Variants in CXADR observed in about 807,000 individuals in gnomAD.
CXADR encodes the protein coxsackievirus and adenovirus receptor.
Under a neutral mutation model 40.3 loss-of-function variants are expected in CXADR, and 20 were observed. The ratio of observed to expected loss-of-function variants is 0.50; its 90% CI spans 0.35 to 0.72. The LOEUF is 0.72. Among genes scored for constraint, CXADR ranks in the 30% least tolerant of loss-of-function variants. The pLI is 0.01. For missense variants in CXADR, 332 were observed against 449.1 expected (o/e 0.74, Z 2.36); for synonymous variants, 150 against 161.3 (o/e 0.93, Z 0.53).
the CXADR span, among the ~76,000 whole-genome samples, chr21:17,621,095 A>C: frequency 6.6e-6 from 1 of 152,222 alleles, no homozygotes; most frequent in East Asian, 1.9e-4. Context: ...CTTAAAGTCA[A>C]CTGAGTATAA....
At chr21:17,517,878 A>C (rs2060480754) in intron 1 of CXADR, among the ~76,000 whole-genome samples, 1 of 152,228 alleles carries the variant, frequency 6.6e-6, no homozygotes. Flanking sequence ...CTAGTAAAAG[A>C]AGTTCTTCTG....
At chr21:17,617,746 C>T in the CXADR span, among the ~76,000 whole-genome samples, 26,427 of 151,994 alleles carry the variant, frequency 0.17, 2,622 homozygotes, top group East Asian at 0.22. Context: ...GGTCTTGCCT[C>T]GATGCTGGTG....
intron 1 of CXADR, among the ~76,000 whole-genome samples, chr21:17,534,019 T>TATATATAGCAATATATATATATATACAC (rs1356079376): frequency 1.2e-5 from 1 of 81,400 alleles, no homozygotes; most frequent in South Asian, 4.8e-4. Context: ...TATATATATA[T>TATATATAGCAATATATATATATATACAC]ATATATATAG....
the CXADR span, chr21:17,612,312 C>T: frequency 1.3e-5 from 2 of 152,262 alleles, no homozygotes; most frequent in Non-Finnish European, 2.9e-5. Context: ...GGAGGCGCGA[C>T]TCTCCAGCAA....
At chr21:17,516,961 CAG>C (rs1191541978) in intron 1 of CXADR, among the ~76,000 whole-genome samples, 1 of 151,108 alleles carries the variant, frequency 6.6e-6, no homozygotes, top group Non-Finnish European at 1.5e-5. Context: ...AGAAAAAAAA[CAG>C]AAAAATACCA....
rs770672919 is a variant in CXADR, at chr21:17,547,139, G to T, written c.156G>T (p.Pro52=). 1 of 1,614,154 alleles carries T rather than the reference G, an allele frequency of 6.2e-7. No individual in the cohort carries two copies. The highest frequency in any genetic ancestry group is 8.5e-7 in the Non-Finnish European group (1 of 1,180,034). ...KFTLSPEDQG[P]LDIEWLISPA... ...CGCTTAGTCCCGAAGACCAGGGACC[G>T]CTGGACATCGAGTGGCTGATATCAC... The change falls in exon 2 of 7, where the codon CCG becomes CCT. Residue 52 remains proline (P), a synonymous_variant. Coordinates refer to ENST00000284878, the MANE Select transcript of CXADR (RefSeq NM_001338.5).
At chr21:17,524,241 T>G (rs1414347403) in intron 1 of CXADR, among the ~76,000 whole-genome samples, 2 of 151,912 alleles carry the variant, frequency 1.3e-5, no homozygotes, top group East Asian at 3.9e-4. Flanking sequence ...TTCCCTCAAC[T>G]TATTGCCTCA....
At chr21:17,599,906 A>C in the CXADR span, among the ~76,000 whole-genome samples, 1 of 152,226 alleles carries the variant, frequency 6.6e-6, no homozygotes, top group African/African-American at 2.4e-5. Context: ...ATACTCACAA[A>C]AATGAGAACT....
At chr21:17,627,461 C>T in the CXADR span, among the ~76,000 whole-genome samples, 20 of 152,048 alleles carry the variant, frequency 1.3e-4, no homozygotes, top group African/African-American at 4.6e-4. Flanking sequence ...TGATGAAAGA[C>T]AGGCTGGAAA....
the CXADR span, chr21:17,613,102 C>G: frequency 2.0e-5 from 3 of 152,104 alleles, no homozygotes; most frequent in African/African-American, 7.2e-5. Context: ...TACCCTGAGC[C>G]TGGCGCAGAC....
chr21:17,541,289 A>G (rs1004300511), intron 1 of CXADR, among the ~76,000 whole-genome samples: 2 of 152,110 alleles, frequency 1.3e-5, no homozygotes, highest in Non-Finnish European at 2.9e-5. Context: ...GCGGTGGCTC[A>G]CGCCTGTAAT....
At chr21:17,538,487 A>G (rs2060788111) in intron 1 of CXADR, among the ~76,000 whole-genome samples, 1 of 152,134 alleles carries the variant, frequency 6.6e-6, no homozygotes, top group African/African-American at 2.4e-5. Flanking sequence ...AGATTGTCAG[A>G]CATGTCAGTG....
chr21:17,533,539 T>A (rs1026821783), intron 1 of CXADR, among the ~76,000 whole-genome samples: 4 of 152,210 alleles, frequency 2.6e-5, no homozygotes, highest in African/African-American at 4.8e-5. Flanking sequence ...CTTCAGTAGC[T>A]TAGATGTGTC....
chr21:17,564,517 A>T (rs1306711447), intron 6 of CXADR, among the ~76,000 whole-genome samples: 2 of 152,046 alleles, frequency 1.3e-5, no homozygotes, highest in African/African-American at 4.8e-5. Flanking sequence ...TAAAAATATT[A>T]AAACAAAATT....
rs898230367 is a variant in CXADR, at chr21:17,568,999, T to G, written c.*3307T>G. The stretch of plus-strand genomic sequence containing the variant: ...ACCTGATTTTTATTAAAAAGATACT[T>G]TTTCAAATTTAAGAGTTAATCTTGG... On this transcript the variant is annotated 3_prime_UTR_variant, in exon 7 of 7. Transcript: ENST00000284878. 4.1e-6 allele frequency: 4 copies of G among 984,208 alleles called. No homozygotes were observed. In the African/African-American group the frequency reaches 5.2e-5, roughly 13 times the overall value. 61.0% of individuals were successfully genotyped at this position (984,208 alleles called of 1,614,324 possible).
intron 7 of CXADR, among the ~76,000 whole-genome samples, chr21:17,586,416 A>T (rs1212573443): frequency 3.7e-5 from 5 of 134,992 alleles, no homozygotes; most frequent in African/African-American, 1.4e-4. Context: ...TATATATATA[A>T]TATATATTAT....
At chr21:17,555,496 C>A (rs960148862) in intron 3 of CXADR, among the ~76,000 whole-genome samples, 3 of 152,196 alleles carry the variant, frequency 2.0e-5, no homozygotes, top group Middle Eastern at 6.3e-3. Flanking sequence ...TTATAATTAT[C>A]AAAACCAGGA....
chr21:17,552,006 C>T (rs757280945), intron 3 of CXADR, 53 bp downstream of exon 3: 30 of 1,355,782 alleles, frequency 2.2e-5, no homozygotes, highest in Middle Eastern at 3.6e-4. Context: ...AATGATTAGT[C>T]ATAGTACTGT....
the CXADR span, among the ~76,000 whole-genome samples, chr21:17,601,108 A>G: frequency 6.6e-6 from 1 of 151,922 alleles, no homozygotes; most frequent in Non-Finnish European, 1.5e-5. Context: ...GGTTGCAGTG[A>G]GCTGAGATCG....
Sources: gnomAD v4.1 joint callset for allele counts (sites outside exome capture counted in the v4.1 genomes callset) on GRCh38, gnomAD v4.1.1 for gene constraint, MANE v1.5 for transcripts, NCBI Gene and HGNC (gene_info 2026-07-23, HGNC 2026-07-21) for gene names.